Variants in SIL1 observed in about 807,000 individuals in gnomAD.
SIL1 encodes SIL1 nucleotide exchange factor.
A neutral mutation model predicts 49.1 loss-of-function variants in SIL1; 40 were observed. The ratio of observed to expected loss-of-function variants is 0.81; its 90% confidence interval spans 0.63 to 1.06. SIL1 has a LOEUF of 1.06. Ranked by LOEUF, SIL1 falls within the 50% of genes least tolerant of loss-of-function variation. The pLI, the probability that SIL1 is intolerant of heterozygous loss-of-function variation, is 0.00. For missense variants in SIL1, 500 were observed against 572.6 expected (o/e 0.87, Z 1.29); for synonymous variants, 253 against 250.8 (o/e 1.01, Z -0.08).
intron 7 of SIL1, chr5:139,017,172 T>C (rs967239130): frequency 5.3e-5 from 8 of 151,724 alleles, no homozygotes; most frequent in African/African-American, 9.7e-5. Context: ...AATTAATTGG[T>C]AAACCCTCAG....
chr5:138,995,064 G>T (rs1767835253), intron 7 of SIL1, among the ~76,000 whole-genome samples: 1 of 152,114 alleles, frequency 6.6e-6, no homozygotes, highest in South Asian at 2.1e-4. Flanking sequence ...AGCTGCATAT[G>T]TACCACATTT....
chr5:139,064,602 G>A (rs1769661023), intron 3 of SIL1, among the ~76,000 whole-genome samples: 1 of 152,216 alleles, frequency 6.6e-6, no homozygotes, highest in African/African-American at 2.4e-5. Context: ...CTGCCTTTTA[G>A]TTTAAAGTTT....
intron 7 of SIL1, among the ~76,000 whole-genome samples, chr5:138,963,857 A>G (rs1487178912): frequency 6.6e-6 from 1 of 152,190 alleles, no homozygotes; most frequent in Non-Finnish European, 1.5e-5. Flanking sequence ...CCCCCCTAGC[A>G]TGGGTTTCCT....
At chr5:138,959,770 C>G (rs954508187) in intron 7 of SIL1, among the ~76,000 whole-genome samples, 3 of 152,204 alleles carry the variant, frequency 2.0e-5, no homozygotes, top group African/African-American at 4.8e-5. Context: ...GGCTGGACAA[C>G]CCCCCACCCA....
chr5:139,060,173 CTGTT>C (rs1209241974), intron 3 of SIL1, among the ~76,000 whole-genome samples: 1 of 152,098 alleles, frequency 6.6e-6, no homozygotes, highest in Non-Finnish European at 1.5e-5. Flanking sequence ...ATTGGCTTAA[CTGTT>C]TATTTGGTGA....
intron 1 of SIL1, among the ~76,000 whole-genome samples, chr5:139,179,193 C>G (rs1751938075): frequency 6.6e-6 from 1 of 152,128 alleles, no homozygotes; most frequent in Non-Finnish European, 1.5e-5. Context: ...AAAGCCTTTC[C>G]CCAGTAAAGA....
chr5:139,145,307 T>C (rs932971963), intron 1 of SIL1, among the ~76,000 whole-genome samples: 2 of 152,164 alleles, frequency 1.3e-5, no homozygotes, highest in Non-Finnish European at 2.9e-5. Context: ...GTTATAATTA[T>C]TGAAGAAAAG....
At chr5:138,995,977 G>A (rs1173836841) in intron 7 of SIL1, among the ~76,000 whole-genome samples, 1 of 152,140 alleles carries the variant, frequency 6.6e-6, no homozygotes, top group Non-Finnish European at 1.5e-5. Flanking sequence ...TTCAGATATT[G>A]TGAATAGTGC....
intron 7 of SIL1, among the ~76,000 whole-genome samples, chr5:138,985,021 G>A (rs1293223414): frequency 1.3e-5 from 2 of 152,220 alleles, no homozygotes; most frequent in African/African-American, 4.8e-5. Context: ...CCGAGGTAAT[G>A]GCAGGACATG....
At chr5:139,189,231 G>A (rs1172673763) in intron 1 of SIL1, among the ~76,000 whole-genome samples, 1 of 152,212 alleles carries the variant, frequency 6.6e-6, no homozygotes, top group Non-Finnish European at 1.5e-5. Flanking sequence ...AGCAGCAAGT[G>A]AGTGAGCAAA....
At chr5:138,966,549 G>T (rs1294938761) in intron 7 of SIL1, among the ~76,000 whole-genome samples, 1 of 152,144 alleles carries the variant, frequency 6.6e-6, no homozygotes, top group Non-Finnish European at 1.5e-5. Flanking sequence ...GCCCTGTCCT[G>T]ATGGCCGGGT....
chr5:138,988,662 A>C (rs1046525379), intron 7 of SIL1, among the ~76,000 whole-genome samples: 3 of 152,202 alleles, frequency 2.0e-5, no homozygotes, highest in Non-Finnish European at 4.4e-5. Context: ...ATGATATTCA[A>C]GATACAGTGC....
At chr5:139,021,436 T>C in intron 6 of SIL1, 144 bp from the exon 7 acceptor site, 1 of 1,208,880 alleles carries the variant, frequency 8.3e-7, no homozygotes, top group South Asian at 1.4e-5. Flanking sequence ...AGAAAAGGTT[T>C]GTAAAAACCA....
intron 3 of SIL1, among the ~76,000 whole-genome samples, chr5:139,091,096 G>A (rs1253188686): frequency 6.6e-6 from 1 of 152,168 alleles, no homozygotes; most frequent in African/African-American, 2.4e-5. Flanking sequence ...TAATCTGGGA[G>A]TAGTAAATAA....
chr5:139,017,499 A>G (rs1331765725), intron 7 of SIL1, among the ~76,000 whole-genome samples: 5 of 152,204 alleles, frequency 3.3e-5, no homozygotes, highest in Non-Finnish European at 7.3e-5. Context: ...TTATAAGCCC[A>G]TGTAATTGCA....
chr5:139,060,150 C>G (rs982269829), intron 3 of SIL1, among the ~76,000 whole-genome samples: 3 of 152,262 alleles, frequency 2.0e-5, no homozygotes, highest in East Asian at 1.9e-4. Context: ...GGCTCCTGCC[C>G]CTCCATATCC....
At chr5:139,048,730 T>C (rs1458039362) in intron 4 of SIL1, among the ~76,000 whole-genome samples, 1 of 152,200 alleles carries the variant, frequency 6.6e-6, no homozygotes, top group Non-Finnish European at 1.5e-5. Flanking sequence ...AAATAAGACT[T>C]GGATTACATG....
At chr5:139,041,535 G>A (rs1769047865) in intron 5 of SIL1, among the ~76,000 whole-genome samples, 1 of 152,116 alleles carries the variant, frequency 6.6e-6, no homozygotes, top group South Asian at 2.1e-4. Context: ...CCAGCACGGT[G>A]GTTCATGCCT....
intron 3 of SIL1, among the ~76,000 whole-genome samples, chr5:139,074,568 T>C (rs747087455): frequency 2.6e-5 from 4 of 152,222 alleles, no homozygotes; most frequent in Admixed American, 6.5e-5. Context: ...ACGAACAAGA[T>C]GCTGAGTTCA....
Sources: allele counts gnomAD v4.1 joint callset (sites outside exome capture counted in the v4.1 genomes callset), GRCh38; gene constraint gnomAD v4.1.1; transcripts MANE v1.5; gene names NCBI Gene and HGNC (gene_info 2026-07-23, HGNC 2026-07-21).